Variants in SOD2 observed in about 807,000 individuals in gnomAD.
SOD2 encodes the protein superoxide dismutase 2.
In SOD2, 11 loss-of-function variants were observed where a neutral mutation model predicts 27.0. The observed-to-expected ratio is 0.41, with a 90% CI of 0.26 to 0.67. The LOEUF (loss-of-function observed/expected upper bound fraction) is 0.67, where lower values mean the gene tolerates loss of function less well. SOD2 is among the 30% of genes least tolerant of loss of function. SOD2 has a pLI of 0.34. For missense variants in SOD2, 250 were observed against 274.5 expected (o/e 0.91, Z 0.63); for synonymous variants, 105 against 103.0 (o/e 1.02, Z -0.12).
chr6:159,715,261 A>G (rs1583042541), intron 1 of SOD2, among the ~76,000 whole-genome samples: 1 of 152,080 alleles, frequency 6.6e-6, no homozygotes, highest in Non-Finnish European at 1.5e-5. Flanking sequence ...TGGGACCCAA[A>G]TGAGTGGGAT....
chr6:159,733,691 A>T (rs1778729279), intron 1 of SOD2, among the ~76,000 whole-genome samples: 1 of 152,048 alleles, frequency 6.6e-6, no homozygotes, highest in Admixed American at 6.6e-5. Flanking sequence ...AGGTGGGCAG[A>T]TCACCTGAGG....
intron 1 of SOD2, chr6:159,726,106 C>A (rs527821124): frequency 6.6e-6 from 1 of 152,242 alleles, no homozygotes; most frequent in African/African-American, 2.4e-5. Flanking sequence ...AGAAGTATAA[C>A]TGCAAGGTAT....
In SOD2 at chr6:159,676,002, A is replaced by ATC. The variant is rs1582995857; in HGVS notation, c.*6489_*6490dup. On this transcript the variant is annotated 3_prime_UTR_variant, in exon 5 of 5. Transcript: ENST00000538183. ...CAACAGACACATGAAAAAAATGCTC[A>ATC]TCATCATGGGCCATCAGAGAAATGC... The ATC allele has an allele frequency of 6.6e-6, 1 of 152,250 alleles. No individual in the cohort carries two copies. The highest frequency in any genetic ancestry group is 1.9e-4 in the East Asian group (1 of 5,202). The allele number at this position is 152,250 out of a possible 1,614,324, so 9.4% of individuals were successfully genotyped here. A position where few individuals can be genotyped will look rare whatever the true frequency, so the allele number is the denominator to read the frequency against.
At chr6:159,730,904 A>G (rs1778525385), upstream of SOD2, 1 of 152,166 alleles carries the variant, frequency 6.6e-6, no homozygotes, top group Non-Finnish European at 1.5e-5. Flanking sequence ...TTTTAAAAAG[A>G]ACATAAGCCA....
chr6:159,713,406 G>C, intron 1 of SOD2: 1 of 652,770 alleles, frequency 1.5e-6, no homozygotes, highest in South Asian at 1.8e-5. Context: ...GCTTCTGAGA[G>C]GGATCATAGT....
At chr6:159,750,406 TG>T (rs1328941846) in intron 1 of SOD2, among the ~76,000 whole-genome samples, 2 of 152,238 alleles carry the variant, frequency 1.3e-5, no homozygotes, top group East Asian at 3.8e-4. Flanking sequence ...TACATGCTTA[TG>T]TATAAAATTG....
rs1349315847 is a variant in SOD2, at chr6:159,671,862, G to A, written c.*10631C>T. The A allele has an allele frequency of 6.6e-6, 1 of 152,122 alleles. No homozygotes were observed. 9.4% of individuals were successfully genotyped at this position (152,122 alleles called of 1,614,324 possible). On this transcript the variant is annotated 3_prime_UTR_variant, in exon 5 of 5. Transcript: ENST00000538183. ...ACCTTGAAAAAAGATTAGACAAATG[G>A]CTAACTAGAATAACCAGCATAGAGA...
upstream of SOD2, among the ~76,000 whole-genome samples, chr6:159,727,903 T>C (rs1535475): frequency 0.78 from 118,090 of 152,224 alleles, 46,101 homozygotes; most frequent in South Asian, 0.85. Context: ...ATTTTATCTC[T>C]GTCCTCCGTC....
At chr6:159,753,345 G>C (rs1779888725) in intron 1 of SOD2, 1 of 1,374,480 alleles carries the variant, frequency 7.3e-7, no homozygotes, top group South Asian at 1.3e-5. Context: ...TTATGGGGAA[G>C]CATCTGCTGT....
At chr6:159,718,547 G>A (rs1157424017) in intron 1 of SOD2, among the ~76,000 whole-genome samples, 1 of 152,126 alleles carries the variant, frequency 6.6e-6, no homozygotes, top group Non-Finnish European at 1.5e-5. Context: ...AAGACTAAAT[G>A]TTATAGCTTT....
chr6:159,695,882 A>G (rs1777414295), upstream of SOD2, among the ~76,000 whole-genome samples: 1 of 151,954 alleles, frequency 6.6e-6, no homozygotes, highest in Non-Finnish European at 1.5e-5. Flanking sequence ...GTCCCAAGTT[A>G]CTCCAGCCAG....
At chr6:159,727,193 T>A (rs372356786) in exon 1 of SOD2, 7 of 1,231,278 alleles carry the variant, frequency 5.7e-6, no homozygotes. Flanking sequence ...ACGGGGAGTG[T>A]TACCGGGGAG....
In SOD2 at chr6:159,698,571, CAAAAAAA is replaced by C. The variant is rs66652436; in HGVS notation, c.-115-5715_-115-5709del. On this transcript the variant is annotated intron_variant, in intron 1 of 2. Coordinates refer to the SOD2 transcript ENST00000401980. ...TGGGTAACAGAGTGAGACCTTGTCT[CAAAAAAA>C]AAAAAAAAAAAAAAAAAAATCCAAT... Among the ~76,000 whole-genome samples the C allele has an allele frequency of 1.4e-3, 134 of 95,706 alleles. No individual in the cohort carries two copies. In the East Asian group the frequency reaches 0.035, roughly 25 times the overall value. 62.8% of individuals were successfully genotyped at this position (95,706 alleles called of 152,430 possible).
intron 1 of SOD2, among the ~76,000 whole-genome samples, chr6:159,721,616 C>A (rs891832917): frequency 6.6e-6 from 1 of 151,180 alleles, no homozygotes; most frequent in Non-Finnish European, 1.5e-5. Flanking sequence ...GATCTGCCTG[C>A]CTTGGCCTCC....
At chr6:159,761,594 G>T (rs1204213250) in exon 1 of SOD2, 1 of 455,768 alleles carries the variant, frequency 2.2e-6, no homozygotes, top group African/African-American at 2.0e-5. Context: ...CCGCGGGCCG[G>T]GCTCGCACTC....
At chr6:159,757,446 T>A (rs1258918514) in intron 1 of SOD2, among the ~76,000 whole-genome samples, 1 of 150,060 alleles carries the variant, frequency 6.7e-6, no homozygotes, top group African/African-American at 2.4e-5. Context: ...AGAGTCTCGC[T>A]CTGCCACCCA....
chr6:159,705,470 G>A (rs1484224699), intron 1 of SOD2, among the ~76,000 whole-genome samples: 2 of 152,326 alleles, frequency 1.3e-5, no homozygotes, highest in East Asian at 1.9e-4. Context: ...ACTACGTGAC[G>A]AATGCACAAG....
At chr6:159,755,239 G>C (rs1779958334) in intron 1 of SOD2, 1 of 1,614,058 alleles carries the variant, frequency 6.2e-7, no homozygotes, top group Non-Finnish European at 8.5e-7. Context: ...GCAGTCGTCT[G>C]ACAAACGGAC....
intron 1 of SOD2, among the ~76,000 whole-genome samples, chr6:159,712,489 C>CATAACTAGACTGG (rs1777833511): frequency 9.3e-6 from 1 of 107,828 alleles, no homozygotes; most frequent in Non-Finnish European, 2.0e-5. Flanking sequence ...CACTCAGCTG[C>CATAACTAGACTGG]TCTGACCTCC....
Sources: allele counts gnomAD v4.1 joint callset (sites outside exome capture counted in the v4.1 genomes callset), GRCh38; gene constraint gnomAD v4.1.1; transcripts MANE v1.5; gene names NCBI Gene and HGNC (gene_info 2026-07-23, HGNC 2026-07-21).